SUGCT: variants seen among roughly 807,000 people sequenced by gnomAD.
The protein encoded by SUGCT is succinyl-CoA:glutarate CoA-transferase.
Under a neutral mutation model 55.0 loss-of-function variants are expected in SUGCT, and 41 were observed. The observed-to-expected ratio is 0.74, with a 90% CI of 0.58 to 0.97. SUGCT has a LOEUF of 0.97. Among genes scored for constraint, SUGCT ranks in the 50% least tolerant of loss-of-function variants. The probability of loss-of-function intolerance (pLI) is 0.00; values close to 1 mark genes in which losing one functional copy is unlikely to be tolerated. For missense variants in SUGCT, 568 were observed against 547.8 expected (o/e 1.04, Z -0.37); for synonymous variants, 187 against 200.4 (o/e 0.93, Z 0.56).
At chr7:40,865,932 TC>T in the SUGCT span, among the ~76,000 whole-genome samples, 3 of 152,130 alleles carry the variant, frequency 2.0e-5, no homozygotes, top group Non-Finnish European at 4.4e-5. Context: ...GCCACATCGC[TC>T]CCCATGCCTC....
At chr7:40,322,522 C>G (rs1203290234) in intron 9 of SUGCT, among the ~76,000 whole-genome samples, 1 of 152,178 alleles carries the variant, frequency 6.6e-6, no homozygotes, top group Non-Finnish European at 1.5e-5. Flanking sequence ...CCAGCTCATT[C>G]CTTTGGCAGC....
At chr7:40,143,349 A>G (rs1365381883) in intron 1 of SUGCT, among the ~76,000 whole-genome samples, 1 of 152,158 alleles carries the variant, frequency 6.6e-6, no homozygotes, top group Non-Finnish European at 1.5e-5. Flanking sequence ...CATGAGGTAA[A>G]ATTGATTTTG....
intron 12 of SUGCT, among the ~76,000 whole-genome samples, chr7:40,572,160 C>T (rs748153931): frequency 2.6e-5 from 4 of 151,862 alleles, no homozygotes; most frequent in Non-Finnish European, 5.9e-5. Context: ...TGCTGGGAGG[C>T]GTATGAGACA....
intron 8 of SUGCT, among the ~76,000 whole-genome samples, chr7:40,296,143 A>G (rs17171673): frequency 0.019 from 2,848 of 152,358 alleles, 36 homozygotes; most frequent in Admixed American, 0.035. Flanking sequence ...CTGAATTTAT[A>G]TACTTAATTA....
intron 13 of SUGCT, among the ~76,000 whole-genome samples, chr7:40,818,503 C>T (rs1438860648): frequency 6.6e-6 from 1 of 152,150 alleles, no homozygotes; most frequent in East Asian, 1.9e-4. Context: ...CTGCTTTCCT[C>T]AAAAAGGGGC....
intron 13 of SUGCT, among the ~76,000 whole-genome samples, chr7:40,816,541 C>G (rs1010828065): frequency 1.3e-5 from 2 of 152,288 alleles, no homozygotes; most frequent in East Asian, 3.9e-4. Flanking sequence ...GACACCATCA[C>G]AGGGGCTGTT....
chr7:40,934,511 C>G, the SUGCT span, among the ~76,000 whole-genome samples: 1 of 152,210 alleles, frequency 6.6e-6, no homozygotes, highest in Non-Finnish European at 1.5e-5. Flanking sequence ...GCAGAAGTTT[C>G]TGCTGCTTTT....
intron 9 of SUGCT, among the ~76,000 whole-genome samples, chr7:40,448,735 C>T (rs1788999954): frequency 6.6e-6 from 1 of 152,090 alleles, no homozygotes; most frequent in African/African-American, 2.4e-5. Flanking sequence ...GTCCCAGATA[C>T]ACAGGAGGCT....
intron 11 of SUGCT, among the ~76,000 whole-genome samples, chr7:40,473,807 A>G (rs1284705160): frequency 6.6e-6 from 1 of 152,194 alleles, no homozygotes; most frequent in East Asian, 1.9e-4. Context: ...GTCTAGTTTT[A>G]TAATTTGGTG....
At chr7:40,802,738 T>C (rs1203575) in intron 13 of SUGCT, among the ~76,000 whole-genome samples, 98,070 of 152,114 alleles carry the variant, frequency 0.64, 33,943 homozygotes, top group African/African-American at 0.91. Flanking sequence ...TTGAGTCACA[T>C]GTGCTTTCTA....
At chr7:40,157,728 T>C (rs1288712415) in intron 1 of SUGCT, among the ~76,000 whole-genome samples, 1 of 152,210 alleles carries the variant, frequency 6.6e-6, no homozygotes, top group Non-Finnish European at 1.5e-5. Context: ...TAAAGGCTAC[T>C]AATAGTGGAA....
At position 40,518,996 on chromosome 7, in the gene SUGCT, C is replaced by T. The variant is rs1038416360; in HGVS notation, c.1089+22610C>T. Among the ~76,000 whole-genome samples, 13 of 152,060 alleles carry T rather than the reference C, an allele frequency of 8.5e-5. No homozygotes were observed. The East Asian group carries it at 2.5e-3, about 29-fold the overall frequency. ...AAAGTTTTCCAGTTAACAAATGCAC[C>T]TTAACTCTGTGTGCTTGGTAACTTC... On this transcript the variant is annotated intron_variant, in intron 12 of 13. Coordinates refer to ENST00000335693, the MANE Select transcript of SUGCT (RefSeq NM_001193313.2).
chr7:40,575,335 AAACAAC>A (rs573461460), intron 12 of SUGCT, among the ~76,000 whole-genome samples: 1 of 152,144 alleles, frequency 6.6e-6, no homozygotes, highest in African/African-American at 2.4e-5. Flanking sequence ...GTTATTTAAA[AAACAAC>A]AACAACAACA....
intron 8 of SUGCT, among the ~76,000 whole-genome samples, chr7:40,297,781 T>G (rs557427526): frequency 1.1e-4 from 16 of 152,248 alleles, no homozygotes; most frequent in Non-Finnish European, 1.8e-4. Flanking sequence ...ACTACATCAT[T>G]TCCTGAACTT....
intron 13 of SUGCT, among the ~76,000 whole-genome samples, chr7:40,795,689 C>T: frequency 6.6e-6 from 1 of 152,070 alleles, no homozygotes; most frequent in Non-Finnish European, 1.5e-5. Flanking sequence ...TGGCAAGGAG[C>T]AAACTCCCAA....
At chr7:40,147,999 C>A (rs559021520) in intron 1 of SUGCT, among the ~76,000 whole-genome samples, 6 of 152,188 alleles carry the variant, frequency 3.9e-5, no homozygotes, top group African/African-American at 1.4e-4. Context: ...GCACATGGCC[C>A]CTGCTGCTGT....
intron 6 of SUGCT, among the ~76,000 whole-genome samples, chr7:40,198,690 C>T (rs1319682568): frequency 2.8e-5 from 4 of 140,642 alleles, no homozygotes; most frequent in South Asian, 4.2e-4. Flanking sequence ...ACAAAACCCC[C>T]GTCTCTACTA....
rs372103784 is a variant in SUGCT, at chr7:40,402,005, T to A, written c.817-47282T>A. 2.6e-5 allele frequency among the ~76,000 whole-genome samples: 4 copies of A among 152,192 alleles called. No homozygotes were observed. In the East Asian group the frequency reaches 5.8e-4, roughly 22 times the overall value. On this transcript the variant is annotated intron_variant, in intron 9 of 13. Transcript: ENST00000335693. The stretch of plus-strand genomic sequence containing the variant: ...TTTTTTTGCACCAAACATTCCAGAT[T>A]GTTTCATTAAAACACATTTATTAAA...
chr7:40,915,532 G>A, the SUGCT span, among the ~76,000 whole-genome samples: 2 of 152,076 alleles, frequency 1.3e-5, no homozygotes, highest in Non-Finnish European at 1.5e-5. Context: ...CTAATAATGG[G>A]GACAGTTTTG....
Sources: allele counts gnomAD v4.1 joint callset (sites outside exome capture counted in the v4.1 genomes callset), GRCh38; gene constraint gnomAD v4.1.1; transcripts MANE v1.5; gene names NCBI Gene and HGNC (gene_info 2026-07-23, HGNC 2026-07-21).